The following TF variants were observed in gnomAD, a reference collection of about 807,000 sequenced individuals.
TF encodes serotransferrin.
A neutral mutation model predicts 82.4 loss-of-function variants in TF; 55 were observed. That is an observed-to-expected ratio of 0.67 (90% CI 0.54 to 0.84). The LOEUF (loss-of-function observed/expected upper bound fraction) is 0.84. Among genes scored for constraint, TF ranks in the 40% least tolerant of loss-of-function variants. The pLI, the probability that TF is intolerant of heterozygous loss-of-function variation, is 0.00. For missense variants in TF, 737 were observed against 868.4 expected, an observed-to-expected ratio of 0.85 and a Z score of 1.90; for synonymous variants, 332 against 332.6, an observed-to-expected ratio of 1.00 and a Z score of 0.02.
the TF span, among the ~76,000 whole-genome samples, chr3:133,701,488 T>A: frequency 1.3e-5 from 2 of 152,188 alleles, no homozygotes; most frequent in African/African-American, 4.8e-5. Flanking sequence ...AGTAGGTATT[T>A]GCATCTACAG....
intron 14 of TF, chr3:133,770,819 T>A: frequency 1.7e-6 from 1 of 579,206 alleles, no homozygotes; most frequent in Non-Finnish European, 3.1e-6. Context: ...AGCCTTGTGC[T>A]CCTTTCCCCT....
the TF span, among the ~76,000 whole-genome samples, chr3:133,706,959 A>G: frequency 2.6e-5 from 4 of 152,240 alleles, no homozygotes; most frequent in South Asian, 6.2e-4. Flanking sequence ...TTCATCCCTA[A>G]TCCTGAAGTC....
chr3:133,755,329 C>T, intron 4 of TF, 34 bp from the exon 5 acceptor site: 1 of 1,614,118 alleles, frequency 6.2e-7, no homozygotes, highest in Non-Finnish European at 8.5e-7. Flanking sequence ...CAGCCTCACT[C>T]ATGCTCTGTT....
At chr3:133,770,181 T>G (rs540685130) in intron 13 of TF, among the ~76,000 whole-genome samples, 1 of 152,058 alleles carries the variant, frequency 6.6e-6, no homozygotes, top group East Asian at 1.9e-4. Context: ...AGGAACTGAG[T>G]TTTTCATTCA....
chr3:133,678,851 TTTTTGTTTTG>T, the TF span, among the ~76,000 whole-genome samples: 3,336 of 149,426 alleles, frequency 0.022, 136 homozygotes, highest in African/African-American at 0.077. Flanking sequence ...GCCCAGCTAT[TTTTTGTTTTG>T]TTTTGTTTTG....
chr3:133,698,383 C>T, the TF span, among the ~76,000 whole-genome samples: 1 of 152,178 alleles, frequency 6.6e-6, no homozygotes, highest in African/African-American at 2.4e-5. Context: ...TAGCAAAGTA[C>T]CATGAACTGG....
the TF span, among the ~76,000 whole-genome samples, chr3:133,709,028 C>A: frequency 6.6e-6 from 1 of 152,290 alleles, no homozygotes; most frequent in Admixed American, 6.5e-5. Flanking sequence ...AAGACCTCTA[C>A]TAGTACAGTG....
In TF at chr3:133,754,615, T is replaced by A; in HGVS notation, c.446T>A (p.Ile149Asn). 6.2e-7 allele frequency: 1 copy of A among 1,614,118 alleles called. No individual in the cohort carries two copies. Among genetic ancestry groups the A allele is most frequent in the Non-Finnish European group, 8.5e-7 (1 of 1,180,004 alleles). Residue 149 changes from isoleucine (I) to asparagine (N), a missense_variant, in exon 4 of 17, where the codon ATC (isoleucine) becomes AAC (asparagine). Ile to Asn is a moderately radical substitution (Grantham distance 149). Coordinates refer to ENST00000402696, the MANE Select transcript of TF (RefSeq NM_001063.4). Reference sequence around the variant, plus strand: ...CTAGGCAGGTCCGCTGGGTGGAACATCCCCATAGGCTTACTTTACTGTGAC... The same window carrying A: ...CTAGGCAGGTCCGCTGGGTGGAACAACCCCATAGGCTTACTTTACTGTGAC... Reference protein sequence around the residue: ...TGLGRSAGWNIPIGLLYCDLP... With the variant: ...TGLGRSAGWNNPIGLLYCDLP...
chr3:133,726,916 C>A, the TF span, among the ~76,000 whole-genome samples: 1 of 151,942 alleles, frequency 6.6e-6, no homozygotes, highest in Non-Finnish European at 1.5e-5. Context: ...TTGTTATGTA[C>A]CCAGTAGTCA....
At chr3:133,732,064 C>T in the TF span, among the ~76,000 whole-genome samples, 538 of 152,166 alleles carry the variant, frequency 3.5e-3, 2 homozygotes, top group African/African-American at 0.012. Flanking sequence ...ACCTGAGGGG[C>T]TGGGCTCAGG....
chr3:133,698,743 A>G, the TF span, among the ~76,000 whole-genome samples: 15 of 152,374 alleles, frequency 9.8e-5, no homozygotes, highest in South Asian at 2.1e-4. Flanking sequence ...ATAAGGTCAC[A>G]TTCTGAGGTA....
At chr3:133,753,134 G>T (rs991397193) in intron 2 of TF, among the ~76,000 whole-genome samples, 1 of 152,196 alleles carries the variant, frequency 6.6e-6, no homozygotes, top group African/African-American at 2.4e-5. Flanking sequence ...CTGAGCAAAG[G>T]TCATGGGCTA....
At chr3:133,728,868 T>A in the TF span, among the ~76,000 whole-genome samples, 2 of 152,232 alleles carry the variant, frequency 1.3e-5, no homozygotes, top group Non-Finnish European at 2.9e-5. Context: ...GCTTTCCTTT[T>A]ACCAGACAGG....
chr3:133,731,214 T>C, the TF span, among the ~76,000 whole-genome samples: 1 of 152,188 alleles, frequency 6.6e-6, no homozygotes, highest in Non-Finnish European at 1.5e-5. Flanking sequence ...CTGTTCAGCT[T>C]AACCAGCTGA....
the TF span, among the ~76,000 whole-genome samples, chr3:133,708,250 T>C: frequency 2.0e-5 from 3 of 152,302 alleles, no homozygotes; most frequent in African/African-American, 7.2e-5. Context: ...TATCTATCAC[T>C]ACTGAATCAA....
chr3:133,769,922 A>G (rs1934217831), intron 13 of TF, among the ~76,000 whole-genome samples: 1 of 152,198 alleles, frequency 6.6e-6, no homozygotes, highest in South Asian at 2.1e-4. Context: ...GCTGTGTTAC[A>G]ACCCCCATTA....
intron 9 of TF, among the ~76,000 whole-genome samples, chr3:133,762,974 C>T (rs1048518457): frequency 6.6e-6 from 1 of 152,194 alleles, no homozygotes; most frequent in African/African-American, 2.4e-5. Flanking sequence ...AAGACATCAC[C>T]ATTTTCAACA....
chr3:133,704,524 A>AT, the TF span, among the ~76,000 whole-genome samples: 1 of 152,328 alleles, frequency 6.6e-6, no homozygotes, highest in East Asian at 1.9e-4. Context: ...AGAGATCAAA[A>AT]TAACACCTTT....
At chr3:133,736,153 C>T in the TF span, among the ~76,000 whole-genome samples, 1 of 152,194 alleles carries the variant, frequency 6.6e-6, no homozygotes, top group Non-Finnish European at 1.5e-5. Flanking sequence ...CAATATTCAA[C>T]ATTCTTAAAG....
Sources: gnomAD v4.1 joint callset for allele counts (sites outside exome capture counted in the v4.1 genomes callset) on GRCh38, gnomAD v4.1.1 for gene constraint, MANE v1.5 for transcripts, NCBI Gene and HGNC (gene_info 2026-07-23, HGNC 2026-07-21) for gene names.